The following SOBP variants were observed in gnomAD, a reference collection of about 807,000 sequenced individuals.
SOBP encodes the protein sine oculis binding protein homolog, also known as sine oculis-binding protein homolog.
In SOBP, 4 loss-of-function variants were observed where a neutral mutation model predicts 53.6. That is an observed-to-expected ratio of 0.07 (90% CI 0.04 to 0.17). The LOEUF (loss-of-function observed/expected upper bound fraction) is 0.17, where lower values mean the gene tolerates loss of function less well. Among genes scored for constraint, SOBP ranks in the 10% least tolerant of loss-of-function variants. The pLI, the probability that SOBP is intolerant of heterozygous loss-of-function variation, is 1.00. For missense variants in SOBP, 1,088 were observed against 1,204.7 expected (o/e 0.90, Z 1.43); for synonymous variants, 584 against 522.6 (o/e 1.12, Z -1.60).
At chr6:107,540,703 C>T (rs1371314353) in intron 4 of SOBP, among the ~76,000 whole-genome samples, 1 of 152,184 alleles carries the variant, frequency 6.6e-6, no homozygotes. Flanking sequence ...CTCCTGTAGT[C>T]TTTAACAAAG....
chr6:107,535,429 A>G (rs530155889), intron 4 of SOBP, among the ~76,000 whole-genome samples: 3 of 152,320 alleles, frequency 2.0e-5, no homozygotes, highest in East Asian at 3.9e-4. Flanking sequence ...TTCACTTTCT[A>G]CCAGGCGTTA....
chr6:107,586,431 T>G (rs1440155268), intron 4 of SOBP, among the ~76,000 whole-genome samples: 2 of 152,212 alleles, frequency 1.3e-5, no homozygotes, highest in Non-Finnish European at 2.9e-5. Context: ...TGGGTTCTGT[T>G]AATGTCTCCA....
intron 4 of SOBP, among the ~76,000 whole-genome samples, chr6:107,558,596 G>A (rs537707873): frequency 6.6e-6 from 1 of 151,874 alleles, no homozygotes; most frequent in South Asian, 2.1e-4. Flanking sequence ...ATAGCAAAGG[G>A]GCAGGGCGAT....
intron 5 of SOBP, among the ~76,000 whole-genome samples, chr6:107,607,894 C>G (rs577173684): frequency 2.0e-5 from 3 of 152,128 alleles, no homozygotes; most frequent in African/African-American, 7.2e-5. Flanking sequence ...GGCCTCTTTA[C>G]GGGGCCAGCT....
intron 6 of SOBP, among the ~76,000 whole-genome samples, chr6:107,641,527 C>G (rs1317895221): frequency 6.6e-6 from 1 of 152,180 alleles, no homozygotes; most frequent in Non-Finnish European, 1.5e-5. Context: ...CGGTGAACAC[C>G]AGGGCATTGA....
At chr6:107,542,723 A>G (rs1470520040) in intron 4 of SOBP, among the ~76,000 whole-genome samples, 2 of 151,874 alleles carry the variant, frequency 1.3e-5, no homozygotes, top group East Asian at 1.9e-4. Flanking sequence ...TATTGAACCA[A>G]TTTAGTTTTT....
At chr6:107,566,459 G>T (rs1784919404) in intron 4 of SOBP, among the ~76,000 whole-genome samples, 1 of 152,232 alleles carries the variant, frequency 6.6e-6, no homozygotes, top group Admixed American at 6.5e-5. Flanking sequence ...GAAGACAGAA[G>T]ATGTTACTGT....
At chr6:107,545,724 A>G (rs1256609403) in intron 4 of SOBP, among the ~76,000 whole-genome samples, 1 of 151,964 alleles carries the variant, frequency 6.6e-6, no homozygotes, top group Non-Finnish European at 1.5e-5. Flanking sequence ...GCCTCAGGTG[A>G]CTGTGAACCA....
intron 5 of SOBP, among the ~76,000 whole-genome samples, chr6:107,592,632 A>G (rs1158245515): frequency 2.0e-5 from 3 of 152,194 alleles, no homozygotes; most frequent in African/African-American, 7.2e-5. Flanking sequence ...AACTCACATC[A>G]CATCAAACAA....
intron 6 of SOBP, among the ~76,000 whole-genome samples, chr6:107,656,409 A>G (rs1475910390): frequency 3.3e-5 from 5 of 152,214 alleles, no homozygotes; most frequent in African/African-American, 1.2e-4. Flanking sequence ...ATAAATATCC[A>G]CATTTCCAAA....
chr6:107,552,078 A>G (rs912277795), intron 4 of SOBP, among the ~76,000 whole-genome samples: 2 of 152,164 alleles, frequency 1.3e-5, no homozygotes, highest in African/African-American at 4.8e-5. Flanking sequence ...AGAAGCTTGA[A>G]AATAGTAGGT....
intron 5 of SOBP, among the ~76,000 whole-genome samples, chr6:107,596,830 C>T (rs74921531): frequency 0.011 from 1,624 of 152,032 alleles, 14 homozygotes; most frequent in Middle Eastern, 0.037. Context: ...TTATCCATCA[C>T]CACCACCACC....
chr6:107,581,853 T>G (rs995344405), intron 4 of SOBP, among the ~76,000 whole-genome samples: 1 of 152,190 alleles, frequency 6.6e-6, no homozygotes, highest in Non-Finnish European at 1.5e-5. Flanking sequence ...ACACTTATTC[T>G]CACAACTTTG....
At chr6:107,506,889 C>A (rs573083699) in intron 3 of SOBP, among the ~76,000 whole-genome samples, 1 of 152,066 alleles carries the variant, frequency 6.6e-6, no homozygotes, top group African/African-American at 2.4e-5. Context: ...AACCCCATGT[C>A]TACTAAAAAT....
intron 4 of SOBP, among the ~76,000 whole-genome samples, chr6:107,577,201 G>A (rs1309273733): frequency 6.6e-6 from 1 of 152,262 alleles, no homozygotes; most frequent in Non-Finnish European, 1.5e-5. Context: ...CTGTGACAGT[G>A]ACATAGATCA....
intron 5 of SOBP, among the ~76,000 whole-genome samples, chr6:107,625,529 A>T (rs1770423020): frequency 6.6e-6 from 1 of 152,196 alleles, no homozygotes; most frequent in Non-Finnish European, 1.5e-5. Context: ...AGTGGACACA[A>T]TGAGGGATTA....
chr6:107,572,860 G>A lies in SOBP; in HGVS notation c.574-14220G>A, dbSNP rs1785113855. ...GCTGGAAAATAAGGAATTGAAAGAG[G>A]TGACATAAATGGTAATCAAGGGAAA... On this transcript the variant is annotated intron_variant, in intron 4 of 6. Transcript: ENST00000317357. 1.3e-5 allele frequency among the ~76,000 whole-genome samples: 2 copies of A among 152,152 alleles called. 1 individual carries two copies. The highest frequency in any genetic ancestry group is 4.1e-4 in the South Asian group (2 of 4,826).
At chr6:107,557,112 T>C (rs554108698) in intron 4 of SOBP, among the ~76,000 whole-genome samples, 79 of 152,334 alleles carry the variant, frequency 5.2e-4, no homozygotes, top group Non-Finnish European at 9.6e-4. Flanking sequence ...CTTGGTACAC[T>C]TATTTTGTTG....
chr6:107,516,102 A>G lies in SOBP; in HGVS notation c.421+9675A>G, dbSNP rs970485300. On this transcript the variant is annotated intron_variant, in intron 3 of 6. Transcript: ENST00000317357. ...CCAAAGGTTATCAACAGAACACTCC[A>G]CAGCCAATATTACGTAATAGTGAAG... Among the ~76,000 whole-genome samples the G allele has an allele frequency of 2.0e-5, 3 of 152,166 alleles. No homozygotes were observed. In the South Asian group the frequency reaches 6.2e-4, roughly 32 times the overall value.
Sources: gnomAD v4.1 joint callset for allele counts (sites outside exome capture counted in the v4.1 genomes callset) on GRCh38, gnomAD v4.1.1 for gene constraint, MANE v1.5 for transcripts, NCBI Gene and HGNC (gene_info 2026-07-23, HGNC 2026-07-21) for gene names.